ANGPT1: variants seen among roughly 807,000 people sequenced by gnomAD.
The protein encoded by ANGPT1 is angiopoietin 1, also known as angiopoietin-1.
A neutral mutation model predicts 62.2 loss-of-function variants in ANGPT1; 17 were observed. The observed-to-expected ratio is 0.27, with a 90% CI of 0.19 to 0.41. The LOEUF (loss-of-function observed/expected upper bound fraction) is 0.41, where lower values mean the gene tolerates loss of function less well. Among genes scored for constraint, ANGPT1 ranks in the 10% least tolerant of loss-of-function variants. ANGPT1 has a pLI of 1.00. For missense variants in ANGPT1, 478 were observed against 594.9 expected, an observed-to-expected ratio of 0.80 and a Z score of 2.04; for synonymous variants, 199 against 198.9, an observed-to-expected ratio of 1.00 and a Z score of 0.00.
At chr8:107,310,244 T>A (rs1243767687) in intron 4 of ANGPT1, among the ~76,000 whole-genome samples, 1 of 152,188 alleles carries the variant, frequency 6.6e-6, no homozygotes, top group African/African-American at 2.4e-5. Flanking sequence ...TTTTGTTCAA[T>A]CCTTATAAAT....
At chr8:107,406,433 G>GTT (rs1241546741) in intron 1 of ANGPT1, among the ~76,000 whole-genome samples, 2 of 151,838 alleles carry the variant, frequency 1.3e-5, no homozygotes, top group African/African-American at 2.4e-5. Flanking sequence ...TAGAAATCTT[G>GTT]TTATATATAT....
At chr8:107,380,391 T>C (rs1816613282) in intron 1 of ANGPT1, among the ~76,000 whole-genome samples, 1 of 140,412 alleles carries the variant, frequency 7.1e-6, no homozygotes, top group Non-Finnish European at 1.5e-5. Context: ...GTGTGTGTCC[T>C]GCACAAAAAC....
At chr8:107,292,758 T>C (rs895657958) in intron 6 of ANGPT1, among the ~76,000 whole-genome samples, 4 of 152,300 alleles carry the variant, frequency 2.6e-5, no homozygotes, top group East Asian at 1.9e-4. Flanking sequence ...AAACCCCTTA[T>C]TTACTGTCAT....
chr8:107,289,257 T>A (rs926449297), intron 6 of ANGPT1, among the ~76,000 whole-genome samples: 2 of 152,118 alleles, frequency 1.3e-5, no homozygotes, highest in Non-Finnish European at 2.9e-5. Context: ...CAAAAACACA[T>A]GCAAAGGAAA....
chr8:107,496,228 T>A (rs1813091967), intron 1 of ANGPT1, among the ~76,000 whole-genome samples: 1 of 152,218 alleles, frequency 6.6e-6, no homozygotes, highest in Non-Finnish European at 1.5e-5. Context: ...ATTGAGACAT[T>A]GCCTCCCTTC....
chr8:107,293,872 A>G (rs1814343763), intron 6 of ANGPT1, 64 bp downstream of exon 6: 1 of 1,269,102 alleles, frequency 7.9e-7, no homozygotes, highest in East Asian at 2.4e-5. Flanking sequence ...GATTCATCAT[A>G]TAGTATGGAG....
intron 1 of ANGPT1, among the ~76,000 whole-genome samples, chr8:107,438,133 T>C (rs1196684231): frequency 6.6e-6 from 1 of 152,226 alleles, no homozygotes; most frequent in Non-Finnish European, 1.5e-5. Context: ...CTCTTTTATT[T>C]GTTTCACAAT....
intron 1 of ANGPT1, among the ~76,000 whole-genome samples, chr8:107,382,923 A>G (rs1395686509): frequency 6.6e-6 from 1 of 152,216 alleles, no homozygotes; most frequent in African/African-American, 2.4e-5. Flanking sequence ...AAAACAGACA[A>G]TGAGTGGTTG....
chr8:107,439,293 C>T (rs935748971), intron 1 of ANGPT1, among the ~76,000 whole-genome samples: 3 of 152,182 alleles, frequency 2.0e-5, no homozygotes, highest in African/African-American at 4.8e-5. Context: ...TTAACTTCTT[C>T]TAACCTTATT....
At chr8:107,446,457 G>A (rs1483243777) in intron 1 of ANGPT1, among the ~76,000 whole-genome samples, 1 of 152,166 alleles carries the variant, frequency 6.6e-6, no homozygotes, top group Non-Finnish European at 1.5e-5. Context: ...AGTGAGAAAA[G>A]CCAAGGAACA....
chr8:107,395,764 A>G (rs1375076015), intron 1 of ANGPT1, among the ~76,000 whole-genome samples: 1 of 152,186 alleles, frequency 6.6e-6, no homozygotes, highest in African/African-American at 2.4e-5. Flanking sequence ...TTTGTCAGTT[A>G]TACCATTCAA....
intron 1 of ANGPT1, among the ~76,000 whole-genome samples, chr8:107,452,422 C>T (rs370589350): frequency 2.0e-5 from 3 of 151,758 alleles, no homozygotes; most frequent in East Asian, 1.9e-4. Context: ...TTGGAAGTCA[C>T]GTCTCATTTA....
At chr8:107,329,099 C>T (rs1441630862) in intron 3 of ANGPT1, among the ~76,000 whole-genome samples, 1 of 151,916 alleles carries the variant, frequency 6.6e-6, no homozygotes, top group African/African-American at 2.4e-5. Context: ...CATATATGCA[C>T]ATATCATATA....
At chr8:107,413,885 T>C (rs1205761092) in intron 1 of ANGPT1, among the ~76,000 whole-genome samples, 1 of 151,966 alleles carries the variant, frequency 6.6e-6, no homozygotes, top group East Asian at 1.9e-4. Context: ...AATTTAGAGA[T>C]ATGTTGTAGG....
intron 1 of ANGPT1, among the ~76,000 whole-genome samples, chr8:107,451,046 A>G (rs1351535815): frequency 6.6e-6 from 1 of 151,890 alleles, no homozygotes; most frequent in Non-Finnish European, 1.5e-5. Context: ...TTATTTGCCA[A>G]GACATAATCT....
intron 1 of ANGPT1, among the ~76,000 whole-genome samples, chr8:107,371,258 G>A (rs950366092): frequency 1.3e-5 from 2 of 152,214 alleles, no homozygotes; most frequent in Admixed American, 1.3e-4. Flanking sequence ...ACTACACAGT[G>A]TGGACTAGAG....
chr8:107,352,925 C>A (rs1181086912), intron 1 of ANGPT1, among the ~76,000 whole-genome samples: 1 of 151,422 alleles, frequency 6.6e-6, no homozygotes, highest in Non-Finnish European at 1.5e-5. Flanking sequence ...AAATCAATGG[C>A]AATATTTAAA....
intron 1 of ANGPT1, among the ~76,000 whole-genome samples, chr8:107,485,587 A>G (rs1451900099): frequency 3.3e-5 from 5 of 152,334 alleles, no homozygotes; most frequent in African/African-American, 1.2e-4. Flanking sequence ...GGCCCAAAAT[A>G]CCAGGAATAT....
chr8:107,380,319 A>T (rs1672143), intron 1 of ANGPT1, among the ~76,000 whole-genome samples: 79,293 of 151,638 alleles, frequency 0.52, 20,840 homozygotes, highest in Admixed American at 0.58. Flanking sequence ...TAGTTATTTG[A>T]CATCGAATGT....
Sources: allele counts gnomAD v4.1 joint callset (sites outside exome capture counted in the v4.1 genomes callset), GRCh38; gene constraint gnomAD v4.1.1; transcripts MANE v1.5; gene names NCBI Gene and HGNC (gene_info 2026-07-23, HGNC 2026-07-21).